The following CMC2 variants were observed in gnomAD, a reference collection of about 807,000 sequenced individuals.
The protein encoded by CMC2 is COX assembly mitochondrial protein 2 homolog.
CMC2 carries 5 observed loss-of-function variants against 7.5 expected under a neutral mutation model. That is an observed-to-expected ratio of 0.66 (90% confidence interval 0.35 to 1.40). CMC2 has a LOEUF of 1.40. Among genes scored for constraint, CMC2 ranks in the 40% most tolerant of loss-of-function variants. The pLI is 0.04. For synonymous variants in CMC2, 37 were observed against 31.4 expected (o/e 1.18, Z -0.60); for missense variants, 115 against 92.3 (o/e 1.25, Z -1.01).
rs183044477 is a variant in CMC2 at position 80,997,308 on chromosome 16, T to G, written c.81+6A>C. On this transcript the variant is annotated splice_donor_region_variant and intron_variant, in intron 2 of 3. Coordinates refer to ENST00000219400, the MANE Select transcript of CMC2 (RefSeq NM_020188.5). ...TGGCTGTACAGTCGTTTTTCTGAAC[T>G]CTTACATTTTTGTGACATTCCTTAA... 48 of 1,003,418 alleles carry G rather than the reference T, an allele frequency of 4.8e-5. No homozygotes were observed. The African/African-American group carries it at 6.5e-4, about 14-fold the overall frequency. The allele number at this position is 1,003,418 out of a possible 1,614,324, so 62.2% of individuals were successfully genotyped here.
chr16:80,997,091 G>A (rs1968482033), intron 2 of CMC2: 10 of 563,364 alleles, frequency 1.8e-5, no homozygotes, highest in South Asian at 1.3e-4. Flanking sequence ...CAGTTCAGAC[G>A]TTCCCTAACA....
chr16:81,006,075 T>C (rs1195187779), intron 1 of CMC2, among the ~76,000 whole-genome samples: 4 of 152,180 alleles, frequency 2.6e-5, no homozygotes, highest in African/African-American at 9.7e-5. Context: ...CATCGAAAAC[T>C]TCCATGCCTT....
chr16:80,978,494 C>A, intron 3 of CMC2: 1 of 628,984 alleles, frequency 1.6e-6, no homozygotes, highest in Non-Finnish European at 2.4e-6. Context: ...AATGAAAGGC[C>A]AATTAACCCC....
chr16:80,980,882 G>A, intron 3 of CMC2: 1 of 695,270 alleles, frequency 1.4e-6, no homozygotes, highest in Non-Finnish European at 2.6e-6. Context: ...GCAAGAACCT[G>A]TCTCAAAAGA....
At position 80,971,073 on chromosome 16, in the gene CMC2, T is replaced by C. The variant is rs2151603963; in HGVS notation, c.*5020A>G. On this transcript the variant is annotated 3_prime_UTR_variant, in exon 4 of 4. Transcript: ENST00000219400. ...TTGCTTGAAGCCAGGAGGTGGAAGT[T>C]GCAGCGAGCTGAGATCATACCACTG... 2.0e-5 allele frequency: 3 copies of C among 152,220 alleles called. No individual in the cohort carries two copies. Among genetic ancestry groups the C allele is most frequent in the Middle Eastern group, 6.8e-3 (2 of 292 alleles). 9.4% of individuals were successfully genotyped at this position (152,220 alleles called of 1,614,324 possible). A position where few individuals can be genotyped will look rare whatever the true frequency, so the allele number is the denominator to read the frequency against.
chr16:80,984,736 T>C (rs530466339), intron 2 of CMC2, among the ~76,000 whole-genome samples: 52 of 152,350 alleles, frequency 3.4e-4, no homozygotes, highest in Admixed American at 2.7e-3. Context: ...TATTACATAG[T>C]TGACATTTAT....
chr16:80,972,524 A>G lies in CMC2; in HGVS notation c.*3569T>C, dbSNP rs932213946. The G allele has an allele frequency of 2.6e-5, 4 of 152,222 alleles. No homozygotes were observed. The highest frequency in any genetic ancestry group is 9.6e-5 in the African/African-American group (4 of 41,458). The allele number at this position is 152,222 out of a possible 1,614,324, so 9.4% of individuals were successfully genotyped here. On this transcript the variant is annotated 3_prime_UTR_variant, in exon 4 of 4. Coordinates refer to ENST00000219400, the MANE Select transcript of CMC2 (RefSeq NM_020188.5). Reference sequence around the variant, plus strand: ...ATTAATCTGATCTTAAACTTCATTTATAAAAGGTGAGAAACAGCTCAACTT... The same window carrying G: ...ATTAATCTGATCTTAAACTTCATTTGTAAAAGGTGAGAAACAGCTCAACTT...
intron 1 of CMC2, among the ~76,000 whole-genome samples, chr16:81,002,896 C>T (rs1968976969): frequency 6.6e-6 from 1 of 152,166 alleles, no homozygotes; most frequent in African/African-American, 2.4e-5. Context: ...TTTCCTTTTC[C>T]TATTCTTGGT....
intron 1 of CMC2, among the ~76,000 whole-genome samples, chr16:80,999,687 C>G (rs1006473803): frequency 5.9e-5 from 9 of 152,238 alleles, no homozygotes; most frequent in Admixed American, 2.0e-4. Flanking sequence ...ATAACCAAAT[C>G]AGCAAGCTTC....
chr16:80,976,261 G>T, intron 3 of CMC2, 82 bp from the exon 4 acceptor site: 3 of 719,210 alleles, frequency 4.2e-6, no homozygotes, highest in South Asian at 2.0e-5. Flanking sequence ...AGAAATATTT[G>T]CAAAATATAA....
At chr16:80,993,046 G>A (rs762041750) in intron 2 of CMC2, among the ~76,000 whole-genome samples, 2 of 152,008 alleles carry the variant, frequency 1.3e-5, no homozygotes, top group Non-Finnish European at 2.9e-5. Flanking sequence ...TGTTTGTATC[G>A]TTTCATTTTT....
intron 2 of CMC2, among the ~76,000 whole-genome samples, chr16:80,990,354 G>C (rs1015588173): frequency 6.6e-6 from 1 of 152,054 alleles, no homozygotes; most frequent in Admixed American, 6.5e-5. Flanking sequence ...ATTTTTGGTA[G>C]AGATGAAGTT....
Position 80,976,105 on chromosome 16 carries a change from T to C in CMC2, c.228A>G (p.Glu76=). Residue 76 remains glutamate, a synonymous_variant, in exon 4 of 4, where the codon GAA becomes GAG. Transcript: ENST00000219400. ...GTGAAAATACAATTTATTTTTCGGA[T>C]TCCTCTGGAGGATTAAAAAGTTTCT... is the stretch of plus-strand genomic sequence containing the variant. ...MRKKLFNPPE[E]SEK The C allele has an allele frequency of 1.3e-6, 2 of 1,599,468 alleles. No homozygotes were observed. The highest frequency in any genetic ancestry group is 1.3e-5 in the African/African-American group (1 of 74,696).
At chr16:80,986,774 A>G (rs146002873) in intron 2 of CMC2, among the ~76,000 whole-genome samples, 4 of 152,364 alleles carry the variant, frequency 2.6e-5, no homozygotes, top group African/African-American at 4.8e-5. Flanking sequence ...TTAAAAAGAG[A>G]TAAGATAAAT....
chr16:80,997,957 T>A (rs970575703), intron 1 of CMC2: 6 of 151,388 alleles, frequency 4.0e-5, no homozygotes, highest in African/African-American at 1.5e-4. Flanking sequence ...TGAAAAAAAA[T>A]TTCAAATTTA....
At chr16:80,977,826 C>T (rs181077335) in intron 3 of CMC2, among the ~76,000 whole-genome samples, 2 of 152,176 alleles carry the variant, frequency 1.3e-5, no homozygotes, top group Admixed American at 1.3e-4. Flanking sequence ...AATCCCAGCA[C>T]TTTGGGAGGC....
At chr16:80,989,886 G>A (rs1967837306) in intron 2 of CMC2, among the ~76,000 whole-genome samples, 1 of 152,116 alleles carries the variant, frequency 6.6e-6, no homozygotes. Context: ...AGAATACATA[G>A]AAGCCAGTGT....
At chr16:80,990,035 G>C (rs1967846870) in intron 2 of CMC2, among the ~76,000 whole-genome samples, 1 of 151,756 alleles carries the variant, frequency 6.6e-6, no homozygotes, top group South Asian at 2.1e-4. Flanking sequence ...AAGTAAGTTT[G>C]TTTGGTTTTG....
At chr16:80,988,413 T>C (rs548097065) in intron 2 of CMC2, 9 of 612,824 alleles carry the variant, frequency 1.5e-5, no homozygotes, top group South Asian at 9.7e-5. Context: ...AAAGTATTTC[T>C]TGATGACAGC....
Sources: gnomAD v4.1 joint callset for allele counts (sites outside exome capture counted in the v4.1 genomes callset) on GRCh38, gnomAD v4.1.1 for gene constraint, MANE v1.5 for transcripts, NCBI Gene and HGNC (gene_info 2026-07-23, HGNC 2026-07-21) for gene names.